Variants in S100A1 observed in about 807,000 individuals in gnomAD.
S100A1 encodes the protein S100 calcium binding protein A1, also known as protein S100-A1.
In S100A1, 3 loss-of-function variants were observed where a neutral mutation model predicts 7.6. The ratio of observed to expected loss-of-function variants is 0.40; its 90% CI spans 0.18 to 1.02. The LOEUF (loss-of-function observed/expected upper bound fraction) is 1.02. Among genes scored for constraint, S100A1 ranks in the 50% least tolerant of loss-of-function variants. The pLI is 0.35. For missense variants in S100A1, 126 were observed against 115.0 expected, an observed-to-expected ratio of 1.10 and a Z score of -0.44; for synonymous variants, 49 against 49.0, an observed-to-expected ratio of 1.00 and a Z score of 0.00.
intron 1 of S100A1, chr1:153,628,919 G>A (rs1175548840): frequency 1.7e-5 from 3 of 174,978 alleles, no homozygotes; most frequent in Non-Finnish European, 3.7e-5. Context: ...TCTCCTGCCA[G>A]CCTTAGTCTC....
Position 153,631,846 on chromosome 1 carries a change from A to C in S100A1, c.*5A>C, listed in dbSNP as rs1204568047. On this transcript the variant is annotated 3_prime_UTR_variant, in exon 3 of 3. Coordinates refer to ENST00000292169, the MANE Select transcript of S100A1 (RefSeq NM_006271.2). ...TTCTTCTGGGAGAACAGTTGAGCAG[A>C]CAGCCACATTGGGCAGCGCCCTTCC... 2 of 1,613,300 alleles carry C rather than the reference A, an allele frequency of 1.2e-6. No individual in the cohort carries two copies. Among genetic ancestry groups the C allele is most frequent in the African/African-American group, 1.3e-5 (1 of 74,874 alleles).
Position 153,631,761 on chromosome 1 carries a change from G to A in S100A1, c.205G>A (p.Glu69Lys). Residue 69 changes from glutamate to lysine, a missense_variant, in exon 3 of 3, where the codon GAG (glutamate) becomes AAG (lysine). Glu to Lys is a moderately conservative substitution (Grantham distance 56). Coordinates refer to ENST00000292169, the MANE Select transcript of S100A1 (RefSeq NM_006271.2). ...MKELDENGDGEVDFQEYVVLV... is the reference protein window; with the variant it reads ...MKELDENGDGKVDFQEYVVLV... ...GGAGCTAGACGAGAATGGAGACGGGGAGGTGGACTTCCAGGAGTATGTGGT... is the reference window on the plus strand; with the variant it reads ...GGAGCTAGACGAGAATGGAGACGGGAAGGTGGACTTCCAGGAGTATGTGGT... The A allele has an allele frequency of 6.2e-7, 1 of 1,614,210 alleles. No homozygotes were observed.
Position 153,628,509 on chromosome 1 carries a change from C to A in S100A1, c.-14+13C>A. On this transcript the variant is annotated intron_variant, in intron 1 of 2. Coordinates refer to ENST00000292169, the MANE Select transcript of S100A1 (RefSeq NM_006271.2). ...GCCCAGGCCAACCGTGAGTACCCTG[C>A]CCCACTGGGCTAGTCCCTGGCCTGC... The A allele has an allele frequency of 6.4e-7, 1 of 1,550,568 alleles. No homozygotes were observed. Among genetic ancestry groups the A allele is most frequent in the South Asian group, 1.2e-5 (1 of 84,032 alleles).
chr1:153,630,641 G>A lies in S100A1; in HGVS notation c.120G>A (p.Thr40=), dbSNP rs372134322. 1.7e-5 allele frequency: 27 copies of A among 1,614,100 alleles called. No homozygotes were observed. Among genetic ancestry groups the A allele is most frequent in the African/African-American group, 9.3e-5 (7 of 74,960 alleles). ...AGGAGCTGAAAGAGCTGCTGCAGAC[G>A]GAGCTCTCTGGCTTCCTGGATGTGA... ...SKKELKELLQ[T]ELSGFLDAQK... Residue 40 remains threonine (T), a synonymous_variant, in exon 2 of 3, where the codon ACG becomes ACA. Coordinates refer to ENST00000292169, the MANE Select transcript of S100A1 (RefSeq NM_006271.2).
chr1:153,630,138 G>A (rs961520251), intron 1 of S100A1: 20 of 347,884 alleles, frequency 5.7e-5, no homozygotes, highest in Non-Finnish European at 9.3e-5. Flanking sequence ...TAGAGCCAGA[G>A]GAAGCATGGC....
chr1:153,631,617 GCTC>G (rs1467064619), intron 2 of S100A1, 78 bp from the exon 3 acceptor site: 1 of 1,613,542 alleles, frequency 6.2e-7, no homozygotes, highest in African/African-American at 1.3e-5. Flanking sequence ...TTTGCCTCCT[GCTC>G]CTCAACCACC....
intron 2 of S100A1, 48 bp downstream of exon 2, chr1:153,630,710 G>T: frequency 1.2e-6 from 2 of 1,600,998 alleles, no homozygotes; most frequent in Non-Finnish European, 8.5e-7. Context: ...AAGGTTGGGG[G>T]AATGGGGTGG....
At chr1:153,631,369 A>G in intron 2 of S100A1, 1 of 1,250,230 alleles carries the variant, frequency 8.0e-7, no homozygotes, top group East Asian at 2.6e-5. Context: ...TTTCTTCTCT[A>G]GAATGGAAAT....
rs1481145984 is a variant in S100A1 at position 153,631,108 on chromosome 1, G to T, written c.141+446G>T. The T allele has an allele frequency of 1.3e-5, 4 of 301,198 alleles. No individual in the cohort carries two copies. The Admixed American group carries it at 1.9e-4, about 14-fold the overall frequency. 18.7% of individuals were successfully genotyped at this position (301,198 alleles called of 1,614,324 possible). On this transcript the variant is annotated intron_variant, in intron 2 of 2. Transcript: ENST00000292169. ...GTAAATGCAGACATTTTAGGAGGAG[G>T]TAACTGAATGAACAAAAGCATGGGA...
At position 153,631,717 on chromosome 1, in the gene S100A1, C is replaced by T. The variant is rs1052731312; in HGVS notation, c.161C>T (p.Ala54Val). ...GFLDAQKDVDAVDKVMKELDE... is the reference protein window; with the variant it reads ...GFLDAQKDVDVVDKVMKELDE... ...CCACAGGCCCAGAAGGATGTGGATG[C>T]TGTGGACAAGGTGATGAAGGAGCTA... Residue 54 changes from alanine (A) to valine (V), a missense_variant, in exon 3 of 3, where the codon GCT (alanine) becomes GTT (valine). By Grantham distance (64) the Ala-to-Val change is moderately conservative. Coordinates refer to ENST00000292169, the MANE Select transcript of S100A1 (RefSeq NM_006271.2). 7 of 1,614,192 alleles carry T rather than the reference C, an allele frequency of 4.3e-6. No individual in the cohort carries two copies. In the South Asian group the frequency reaches 7.7e-5, roughly 18 times the overall value.
rs200713973 is a variant in S100A1, at chr1:153,631,878, C to T, written c.*37C>T. ...CATTGGGCAGCGCCCTTCCTCTCCA[C>T]CCTCCCAGACCTGCCTCTTCCCCCT... On this transcript the variant is annotated 3_prime_UTR_variant, in exon 3 of 3. Coordinates refer to ENST00000292169, the MANE Select transcript of S100A1 (RefSeq NM_006271.2). The T allele has an allele frequency of 7.2e-5, 115 of 1,601,818 alleles. No individual in the cohort carries two copies. The African/African-American group carries it at 1.4e-3, about 19-fold the overall frequency.
At position 153,628,459 on chromosome 1, in the gene S100A1, T is replaced by A; in HGVS notation, c.-51T>A. ...AGCCACATTTGCAACCTTGGCCATCTGTCCAGAACCTGCTCCCACCTCAGG... is the reference window on the plus strand; with the variant it reads ...AGCCACATTTGCAACCTTGGCCATCAGTCCAGAACCTGCTCCCACCTCAGG... On this transcript the variant is annotated 5_prime_UTR_variant, in exon 1 of 3. Transcript: ENST00000292169. The A allele has an allele frequency of 1.9e-6, 3 of 1,550,770 alleles. No homozygotes were observed. Among genetic ancestry groups the A allele is most frequent in the Non-Finnish European group, 2.6e-6 (3 of 1,146,996 alleles).
At chr1:153,630,713 T>C (rs1435603876) in intron 2 of S100A1, 51 bp downstream of exon 2, 5 of 1,598,542 alleles carry the variant, frequency 3.1e-6, no homozygotes, top group Admixed American at 1.7e-5. Flanking sequence ...GTTGGGGGAA[T>C]GGGGTGGACA....
intron 1 of S100A1, 32 bp from the exon 2 acceptor site, chr1:153,630,476 TC>T: frequency 6.2e-7 from 1 of 1,609,024 alleles, no homozygotes; most frequent in Non-Finnish European, 8.5e-7. Context: ...CCGGGCCTGG[TC>T]CTCAGCTCAC....
chr1:153,631,348 T>C, intron 2 of S100A1: 1 of 1,048,280 alleles, frequency 9.5e-7, no homozygotes, highest in East Asian at 2.6e-5. Context: ...TAACCACCGA[T>C]TACCAATTTG....
intron 2 of S100A1, chr1:153,631,372 A>G: frequency 7.9e-7 from 1 of 1,268,130 alleles, no homozygotes; most frequent in Non-Finnish European, 1.1e-6. Flanking sequence ...CTTCTCTAGA[A>G]TGGAAATAAT....
chr1:153,630,608 G>C lies in S100A1; in HGVS notation c.87G>C (p.Leu29=), dbSNP rs1571301715. The change falls in exon 2 of 3, where the codon CTG becomes CTC. Residue 29 remains leucine, a synonymous_variant. Transcript: ENST00000292169. The part of the protein sequence containing the change: ...HSGKEGDKYK[L]SKKELKELLQ... ...GCAAAGAGGGGGACAAGTACAAGCT[G>C]AGCAAGAAGGAGCTGAAAGAGCTGC... 1 of 1,614,274 alleles carries C rather than the reference G, an allele frequency of 6.2e-7. No individual in the cohort carries two copies. The highest frequency in any genetic ancestry group is 1.3e-5 in the African/African-American group (1 of 75,082).
At chr1:153,631,437 C>G in intron 2 of S100A1, 1 of 1,547,516 alleles carries the variant, frequency 6.5e-7, no homozygotes, top group Non-Finnish European at 8.8e-7. Flanking sequence ...GCTTGTAAAG[C>G]TCCTAGTGTA....
chr1:153,631,507 G>A (rs1016396316), intron 2 of S100A1, 191 bp from the exon 3 acceptor site: 1 of 1,612,176 alleles, frequency 6.2e-7, no homozygotes, highest in Non-Finnish European at 8.5e-7. Flanking sequence ...TATTCATTCT[G>A]CCAGGTGAAA....
Sources: gnomAD v4.1 joint callset for allele counts on GRCh38, gnomAD v4.1.1 for gene constraint, MANE v1.5 for transcripts, NCBI Gene and HGNC (gene_info 2026-07-23, HGNC 2026-07-21) for gene names.